The following CUBN variants were observed in gnomAD, a reference collection of about 807,000 sequenced individuals.
CUBN encodes 460 kDa receptor.
In CUBN, 282 loss-of-function variants were observed where a neutral mutation model predicts 405.3. The ratio of observed to expected loss-of-function variants is 0.70; its 90% CI spans 0.63 to 0.77. The LOEUF is 0.77. CUBN is among the 30% of genes least tolerant of loss of function. CUBN has a pLI of 0.00. For missense variants in CUBN, 4,514 were observed against 4,475.2 expected (o/e 1.01, Z -0.25); for synonymous variants, 1,684 against 1,617.0 (o/e 1.04, Z -0.99).
At chr10:16,830,623 TG>T (rs1214175721) in intron 65 of CUBN, among the ~76,000 whole-genome samples, 1 of 152,214 alleles carries the variant, frequency 6.6e-6, no homozygotes, top group African/African-American at 2.4e-5. Flanking sequence ...GTTGGATTTT[TG>T]GTAAAAATTT....
At chr10:16,883,629 T>A (rs1028142760) in intron 56 of CUBN, among the ~76,000 whole-genome samples, 1 of 152,260 alleles carries the variant, frequency 6.6e-6, no homozygotes, top group South Asian at 2.1e-4. Context: ...AATTTTTTTT[T>A]ACTTTTTTTC....
chr10:17,099,905 A>C (rs1836458724), intron 14 of CUBN, 100 bp downstream of exon 14: 4 of 705,950 alleles, frequency 5.7e-6, no homozygotes, highest in Non-Finnish European at 1.0e-5. Flanking sequence ...ATATATCTTC[A>C]GATCCCAAAA....
At chr10:17,075,496 A>G (rs1835839395) in intron 17 of CUBN, among the ~76,000 whole-genome samples, 1 of 152,148 alleles carries the variant, frequency 6.6e-6, no homozygotes, top group Non-Finnish European at 1.5e-5. Flanking sequence ...AACTGACAAT[A>G]TGTATTAAGG....
At position 17,103,118 on chromosome 10, in the gene CUBN, C is replaced by T. The variant is rs890893042; in HGVS notation, c.1530+7G>A. On this transcript the variant is annotated splice_region_variant and intron_variant, in intron 13 of 66. Coordinates refer to ENST00000377833, the MANE Select transcript of CUBN (RefSeq NM_001081.4). ...ATATGCATTTGGGCAAGAGTTACTA[C>T]ATTTACCTTTCCCATTTCAGTTTTG... 2.6e-6 allele frequency: 4 copies of T among 1,537,342 alleles called. No homozygotes were observed. Among genetic ancestry groups the T allele is most frequent in the East Asian group, 2.2e-5 (1 of 44,544 alleles).
Position 16,939,071 on chromosome 10 carries a change from G to T in CUBN, c.5625C>A (p.Asn1875Lys). 1 of 1,613,670 alleles carries T rather than the reference G, an allele frequency of 6.2e-7. No individual in the cohort carries two copies. The highest frequency in any genetic ancestry group is 8.5e-7 in the Non-Finnish European group (1 of 1,179,604). ...CATTTACTGTCCATTGGTAATTGGA[G>T]TTATGTGGGTAGTTTTCAGGCCAGA... is the stretch of plus-strand genomic sequence containing the variant. ...SPFWPENYPH[N>K]SNYQWTVNVN... The change falls in exon 38 of 67, where the codon AAC becomes AAA. Residue 1875 changes from asparagine (N) to lysine (K), a missense_variant. Transcript: ENST00000377833.
chr10:16,840,273 G>T (rs1477159092), intron 62 of CUBN, 57 bp downstream of exon 62: 9 of 1,422,290 alleles, frequency 6.3e-6, no homozygotes, highest in South Asian at 1.1e-5. Flanking sequence ...CAAGTGTTTT[G>T]CAAATACTGG....
At chr10:16,966,977 G>A (rs574433193) in intron 31 of CUBN, among the ~76,000 whole-genome samples, 10 of 152,268 alleles carry the variant, frequency 6.6e-5, no homozygotes, top group South Asian at 6.2e-4. Context: ...TTTGGAATAC[G>A]AACTTCTCCA....
intron 14 of CUBN, 131 bp from the exon 15 acceptor site, chr10:17,088,476 A>G (rs547735401): frequency 2.9e-6 from 2 of 684,856 alleles, no homozygotes; most frequent in South Asian, 3.5e-5. Flanking sequence ...ACCCTCATAA[A>G]TTAAAAAAGA....
At chr10:16,953,594 CA>C (rs1326501061) in intron 32 of CUBN, among the ~76,000 whole-genome samples, 1 of 151,942 alleles carries the variant, frequency 6.6e-6, no homozygotes, top group Non-Finnish European at 1.5e-5. Flanking sequence ...GATTTAAGAA[CA>C]AAAATGGCCA....
At chr10:17,087,884 C>A (rs1250171724) in intron 15 of CUBN, among the ~76,000 whole-genome samples, 1 of 152,136 alleles carries the variant, frequency 6.6e-6, no homozygotes, top group Non-Finnish European at 1.5e-5. Flanking sequence ...GTGTTTATTT[C>A]ATAAATTCTG....
chr10:16,928,241 G>C lies in CUBN; in HGVS notation c.6187C>G (p.Arg2063Gly). The stretch of plus-strand genomic sequence containing the variant: ...ATGAACATGTACTCTCCAGTAGACC[G>C]GATGGGCCCAGGGATCTCTCTGCCA... Reference protein sequence around the residue: ...LCGREIPGPIRSTGEYMFIRF... With the variant: ...LCGREIPGPIGSTGEYMFIRF... Residue 2063 changes from arginine (R) to glycine (G), a missense_variant, in exon 41 of 67, where the codon CGG becomes GGG. Arg to Gly is a moderately radical substitution (Grantham distance 125). Coordinates refer to ENST00000377833, the MANE Select transcript of CUBN (RefSeq NM_001081.4). The C allele has an allele frequency of 6.2e-7, 1 of 1,613,920 alleles. No homozygotes were observed. The highest frequency in any genetic ancestry group is 8.5e-7 in the Non-Finnish European group (1 of 1,179,862).
chr10:17,127,276 T>TTTG (rs1290000432), intron 3 of CUBN, among the ~76,000 whole-genome samples: 11 of 124,252 alleles, frequency 8.9e-5, no homozygotes, highest in Non-Finnish European at 1.7e-4. Flanking sequence ...TTTTTTTTTT[T>TTTG]TTTTTTTCTG....
At chr10:16,998,591 G>A (rs1833798269) in intron 28 of CUBN, among the ~76,000 whole-genome samples, 1 of 152,204 alleles carries the variant, frequency 6.6e-6, no homozygotes, top group Non-Finnish European at 1.5e-5. Context: ...AGAAGCTAAT[G>A]TATCCTCATT....
chr10:17,107,068 A>T (rs1457383585), intron 10 of CUBN, among the ~76,000 whole-genome samples: 2 of 152,210 alleles, frequency 1.3e-5, no homozygotes. Flanking sequence ...GTCAAAAGGA[A>T]TTTGAAATGA....
chr10:16,939,374 C>T (rs1291492666), intron 37 of CUBN, among the ~76,000 whole-genome samples: 1 of 152,108 alleles, frequency 6.6e-6, no homozygotes, highest in Non-Finnish European at 1.5e-5. Flanking sequence ...CACAACTTCC[C>T]ATGTGAAAAG....
At position 17,043,814 on chromosome 10, in the gene CUBN, T is replaced by C. The variant is rs761765251; in HGVS notation, c.3829+13A>G. On this transcript the variant is annotated intron_variant, in intron 26 of 66. Coordinates refer to ENST00000377833, the MANE Select transcript of CUBN (RefSeq NM_001081.4). The stretch of plus-strand genomic sequence containing the variant: ...CCAGTATACACACTTACTCTGCCGG[T>C]ATTCACACTTACTCTGCCGGTATTC... 4.3e-6 allele frequency: 7 copies of C among 1,612,262 alleles called. No individual in the cohort carries two copies. Among genetic ancestry groups the C allele is most frequent in the African/African-American group, 1.3e-5 (1 of 74,818 alleles).
chr10:17,108,039 G>C (rs1024129592), intron 10 of CUBN, among the ~76,000 whole-genome samples: 11 of 151,904 alleles, frequency 7.2e-5, no homozygotes, highest in African/African-American at 2.4e-4. Context: ...AGTAAAGAAG[G>C]GCAGCCTAAA....
intron 64 of CUBN, among the ~76,000 whole-genome samples, chr10:16,834,371 TTC>T (rs879724625): frequency 2.0e-5 from 3 of 152,118 alleles, no homozygotes; most frequent in Non-Finnish European, 4.4e-5. Flanking sequence ...ACAAGGGGGC[TTC>T]TCTCTCAGTG....
At chr10:17,025,915 A>G (rs957139923) in intron 27 of CUBN, among the ~76,000 whole-genome samples, 5 of 152,118 alleles carry the variant, frequency 3.3e-5, no homozygotes. Context: ...CAGATCATGC[A>G]GGGGACAGCA....
Sources: gnomAD v4.1 joint callset for allele counts (sites outside exome capture counted in the v4.1 genomes callset) on GRCh38, gnomAD v4.1.1 for gene constraint, MANE v1.5 for transcripts, NCBI Gene and HGNC (gene_info 2026-07-23, HGNC 2026-07-21) for gene names.